Variants in TET3 observed in about 807,000 individuals in gnomAD.
The protein encoded by TET3 is methylcytosine dioxygenase TET3.
A neutral mutation model predicts 141.4 loss-of-function variants in TET3; 19 were observed. The observed-to-expected ratio is 0.13, with a 90% confidence interval of 0.09 to 0.20. The LOEUF (loss-of-function observed/expected upper bound fraction) is 0.20, where lower values mean the gene tolerates loss of function less well. TET3 is among the 10% of genes least tolerant of loss of function. The pLI is 1.00. For synonymous variants in TET3, 1,043 were observed against 980.9 expected, an observed-to-expected ratio of 1.06 and a Z score of -1.18; for missense variants, 1,874 against 2,356.9, an observed-to-expected ratio of 0.80 and a Z score of 4.24.
chr2:74,035,869 C>G (rs531152993), intron 3 of TET3, among the ~76,000 whole-genome samples: 1 of 151,816 alleles, frequency 6.6e-6, no homozygotes, highest in African/African-American at 2.4e-5. Flanking sequence ...AATAAGCAAG[C>G]AAGCTGGGTG....
intron 3 of TET3, among the ~76,000 whole-genome samples, chr2:74,034,470 A>T (rs1332081656): frequency 6.6e-6 from 1 of 151,744 alleles, no homozygotes; most frequent in Non-Finnish European, 1.5e-5. Flanking sequence ...TGCTTTTTAA[A>T]GTCTTCATTA....
At chr2:74,033,775 A>C (rs1329185184) in intron 3 of TET3, among the ~76,000 whole-genome samples, 4 of 152,236 alleles carry the variant, frequency 2.6e-5, no homozygotes, top group Non-Finnish European at 5.9e-5. Flanking sequence ...AAGTAAGCAC[A>C]TGCTATTGAA....
intron 4 of TET3, among the ~76,000 whole-genome samples, chr2:74,058,149 A>ATTG (rs1688312646): frequency 2.0e-5 from 3 of 152,266 alleles, no homozygotes; most frequent in Non-Finnish European, 4.4e-5. Context: ...GAGAAGCTAC[A>ATTG]AAAAGCAGAA....
chr2:74,123,861 C>G, the TET3 span, among the ~76,000 whole-genome samples: 1 of 149,742 alleles, frequency 6.7e-6, no homozygotes, highest in African/African-American at 2.5e-5. Context: ...GGGAGCGCCT[C>G]TGCCCCGCCG....
At chr2:74,119,367 A>T in the TET3 span, among the ~76,000 whole-genome samples, 1 of 152,048 alleles carries the variant, frequency 6.6e-6, no homozygotes, top group Non-Finnish European at 1.5e-5. Context: ...AAAAAAAAAA[A>T]AAAGATATTG....
chr2:74,022,094 C>CCTTTTTTTTT (rs57671706), intron 3 of TET3, among the ~76,000 whole-genome samples: 1 of 82,766 alleles, frequency 1.2e-5, no homozygotes, highest in Non-Finnish European at 2.3e-5. Context: ...TTCTAGGACA[C>CCTTTTTTTTT]TTTTTTTTTT....
chr2:74,024,989 C>T (rs917347599), intron 3 of TET3, among the ~76,000 whole-genome samples: 2 of 151,796 alleles, frequency 1.3e-5, no homozygotes, highest in Non-Finnish European at 2.9e-5. Context: ...TTTGGGAGGC[C>T]GAGGCGGGTG....
chr2:74,128,970 T>G, the TET3 span, among the ~76,000 whole-genome samples: 1 of 123,768 alleles, frequency 8.1e-6, no homozygotes, highest in Non-Finnish European at 1.6e-5. Context: ...TCAGACTGGT[T>G]GACAGAGATC....
chr2:74,013,647 A>C (rs1254864300), intron 3 of TET3, among the ~76,000 whole-genome samples: 1 of 151,924 alleles, frequency 6.6e-6, no homozygotes, highest in Non-Finnish European at 1.5e-5. Flanking sequence ...GTCTCTACTG[A>C]AAATACAAAA....
chr2:74,059,177 T>C (rs1267135897), intron 4 of TET3, among the ~76,000 whole-genome samples: 2 of 152,396 alleles, frequency 1.3e-5, no homozygotes, highest in Admixed American at 1.3e-4. Context: ...TATCATATGC[T>C]CTTTCATATT....
rs76530816 is a variant in TET3 at position 74,072,969 on chromosome 2, C to A, written c.2495-580C>A. ...AGTAATATTCTGTCATGTGGACATA[C>A]GCATTTTATGTATCCATCCACCTGC... is the stretch of plus-strand genomic sequence containing the variant. On this transcript the variant is annotated intron_variant, in intron 4 of 11. Coordinates refer to ENST00000409262, the MANE Select transcript of TET3 (RefSeq NM_001287491.2). 1.7e-4 allele frequency among the ~76,000 whole-genome samples: 26 copies of A among 152,204 alleles called. 1 individual carries two copies.
the TET3 span, among the ~76,000 whole-genome samples, chr2:74,125,553 C>CT: frequency 2.0e-5 from 3 of 152,294 alleles, no homozygotes; most frequent in African/African-American, 7.2e-5. Flanking sequence ...AACATTTCTT[C>CT]TTTTGGCAGC....
At chr2:73,993,138 C>T (rs899428334) in intron 2 of TET3, 1 of 152,158 alleles carries the variant, frequency 6.6e-6, no homozygotes, top group African/African-American at 2.4e-5. Flanking sequence ...TTAATTGATC[C>T]AGGGTGGACC....
intron 2 of TET3, chr2:73,993,483 C>G (rs1684433705): frequency 6.6e-6 from 1 of 152,164 alleles, no homozygotes; most frequent in Non-Finnish European, 1.5e-5. Flanking sequence ...ATCTCTATGA[C>G]CAGAAGGGAA....
At chr2:74,055,387 G>A (rs550329001) in intron 4 of TET3, among the ~76,000 whole-genome samples, 5 of 152,138 alleles carry the variant, frequency 3.3e-5, no homozygotes, top group Admixed American at 6.5e-5. Context: ...TATTATAAAG[G>A]CCCAGCATGC....
chr2:74,094,366 G>T (rs188503396), intron 10 of TET3, among the ~76,000 whole-genome samples: 110 of 152,316 alleles, frequency 7.2e-4, no homozygotes, highest in African/African-American at 2.5e-3. Flanking sequence ...TACTGCAAGG[G>T]GCAGGGAGAG....
In TET3 at chr2:74,089,870, A is replaced by G. The variant is rs753077380; in HGVS notation, c.2889-27A>G. 1.1e-5 allele frequency: 17 copies of G among 1,612,486 alleles called. No individual in the cohort carries two copies. The Admixed American group carries it at 2.0e-4, about 19-fold the overall frequency. On this transcript the variant is annotated intron_variant, in intron 7 of 11. Coordinates refer to ENST00000409262, the MANE Select transcript of TET3 (RefSeq NM_001287491.2). ...CAGAACGAAGGGATATTGCATCTAT[A>G]TCCCTGACCTGTGCTGTGTGTTGCA...
At position 74,020,401 on chromosome 2, in the gene TET3, T is replaced by C. The variant is rs764055661; in HGVS notation, c.360+17235T>C. Among the ~76,000 whole-genome samples the C allele has an allele frequency of 2.6e-5, 4 of 152,324 alleles. No homozygotes were observed. In the East Asian group the frequency reaches 7.7e-4, roughly 29 times the overall value. On this transcript the variant is annotated intron_variant, in intron 3 of 11. Transcript: ENST00000409262. ...TTTCACCATATTGCCCAGGCTGGTCTTGATTTCTGGGGCATAAGTGGTCTG... is the reference window on the plus strand; with the variant it reads ...TTTCACCATATTGCCCAGGCTGGTCCTGATTTCTGGGGCATAAGTGGTCTG...
rs993517810 is a variant in TET3, at chr2:74,106,258, G to C, written c.*4082G>C. 2.0e-5 allele frequency: 3 copies of C among 152,250 alleles called. No homozygotes were observed. The highest frequency in any genetic ancestry group is 4.4e-5 in the Non-Finnish European group (3 of 68,066). The allele number at this position is 152,250 out of a possible 1,614,324, so 9.4% of individuals were successfully genotyped here. A position where few individuals can be genotyped will look rare whatever the true frequency, so the allele number is the denominator to read the frequency against. The stretch of plus-strand genomic sequence containing the variant: ...CCTTTCTGTGATCGGGAGTGGGCCT[G>C]CCTGGCTTGGCAGGTGCTTTTTGGT... On this transcript the variant is annotated 3_prime_UTR_variant, in exon 12 of 12. Coordinates refer to ENST00000409262, the MANE Select transcript of TET3 (RefSeq NM_001287491.2).
Sources: allele counts gnomAD v4.1 joint callset (sites outside exome capture counted in the v4.1 genomes callset), GRCh38; gene constraint gnomAD v4.1.1; transcripts MANE v1.5; gene names NCBI Gene and HGNC (gene_info 2026-07-23, HGNC 2026-07-21).